RBFOX1: variants seen among roughly 807,000 people sequenced by gnomAD.
The protein encoded by RBFOX1 is RNA binding protein fox-1 homolog 1.
A neutral mutation model predicts 57.7 loss-of-function variants in RBFOX1; 8 were observed. The observed-to-expected ratio is 0.14, with a 90% CI of 0.08 to 0.25. The LOEUF is 0.25. RBFOX1 is among the 10% of genes least tolerant of loss of function. The pLI, the probability that RBFOX1 is intolerant of heterozygous loss-of-function variation, is 1.00. For missense variants in RBFOX1, 611 were observed against 548.5 expected (o/e 1.11, Z -1.14); for synonymous variants, 326 against 222.4 (o/e 1.47, Z -4.15).
intron 4 of RBFOX1, among the ~76,000 whole-genome samples, chr16:7,153,727 C>A (rs201272546): frequency 1.3e-3 from 166 of 128,686 alleles, no homozygotes; most frequent in Middle Eastern, 4.0e-3. Flanking sequence ...GACAGTGTCT[C>A]AAAAAAAAAA....
chr16:5,826,477 C>A (rs2056059934), intron 3 of RBFOX1, among the ~76,000 whole-genome samples: 1 of 152,144 alleles, frequency 6.6e-6, no homozygotes, highest in Non-Finnish European at 1.5e-5. Flanking sequence ...GTGTTGTGAC[C>A]TATATGGTCG....
At chr16:7,026,477 C>G (rs375431765) in intron 3 of RBFOX1, among the ~76,000 whole-genome samples, 10 of 152,166 alleles carry the variant, frequency 6.6e-5, no homozygotes, top group African/African-American at 2.2e-4. Flanking sequence ...ATTTTTTTCA[C>G]ACTTCCAATC....
At chr16:7,359,354 A>G (rs560915089) in intron 4 of RBFOX1, among the ~76,000 whole-genome samples, 43 of 152,100 alleles carry the variant, frequency 2.8e-4, no homozygotes, top group Non-Finnish European at 4.9e-4. Context: ...GTTATATGCC[A>G]TCTAATTGTG....
chr16:5,934,879 C>G (rs893509176), intron 4 of RBFOX1, among the ~76,000 whole-genome samples: 37 of 152,244 alleles, frequency 2.4e-4, no homozygotes, highest in African/African-American at 8.2e-4. Flanking sequence ...CAGCTGCACA[C>G]AGACTGGCTG....
chr16:7,127,918 T>C (rs2069041116), intron 4 of RBFOX1, among the ~76,000 whole-genome samples: 1 of 152,156 alleles, frequency 6.6e-6, no homozygotes, highest in South Asian at 2.1e-4. Flanking sequence ...TGGTCTTTTG[T>C]TTAGAAGAGG....
chr16:6,776,552 T>C lies in RBFOX1; in HGVS notation c.-16+121902T>C, dbSNP rs189990155. Among the ~76,000 whole-genome samples, 659 of 152,338 alleles carry C rather than the reference T, an allele frequency of 4.3e-3. 4 individuals carry two copies. The highest frequency in any genetic ancestry group is 0.015 in the African/African-American group (641 of 41,572). ...TAGAATTACAGAGCTTGATCAAGTC[T>C]CATCCATGGTTGACACTGTTTGTTG... is the stretch of plus-strand genomic sequence containing the variant. On this transcript the variant is annotated intron_variant, in intron 3 of 15. Transcript: ENST00000550418.
At position 6,088,859 on chromosome 16, in the gene RBFOX1, G is replaced by A. The variant is rs8055792; in HGVS notation, c.-127+68867G>A. Among the ~76,000 whole-genome samples the A allele has an allele frequency of 3.6e-3, 545 of 152,262 alleles. 3 individuals are homozygous for A. Among genetic ancestry groups the A allele is most frequent in the African/African-American group, 0.013 (535 of 41,544 alleles). ...TGCCTGTAATCCCAGCACTTTGGGAGACCAAGGCGGGCATATCAGGAGGTC... is the reference window on the plus strand; with the variant it reads ...TGCCTGTAATCCCAGCACTTTGGGAAACCAAGGCGGGCATATCAGGAGGTC... On this transcript the variant is annotated intron_variant, in intron 1 of 15. Transcript: ENST00000550418.
At chr16:7,503,073 G>T (rs565749029) in intron 4 of RBFOX1, among the ~76,000 whole-genome samples, 1 of 152,026 alleles carries the variant, frequency 6.6e-6, no homozygotes, top group African/African-American at 2.4e-5. Context: ...AGATTATGGC[G>T]TCCACTCCTT....
chr16:5,935,631 C>T (rs1343009643), intron 4 of RBFOX1, among the ~76,000 whole-genome samples: 1 of 152,170 alleles, frequency 6.6e-6, no homozygotes, highest in Non-Finnish European at 1.5e-5. Context: ...GGACTTGTTT[C>T]TAGTCTCTAG....
In RBFOX1 at chr16:5,884,007, C is replaced by G. The variant is rs145483834; in HGVS notation, c.351+16672C>G. 4.2e-3 allele frequency among the ~76,000 whole-genome samples: 637 copies of G among 152,298 alleles called. 4 individuals carry two copies. Among genetic ancestry groups the G allele is most frequent in the Non-Finnish European group, 6.8e-3 (461 of 68,016 alleles). Reference sequence around the variant, plus strand: ...GATCCCATTGACTTGGATGTGATTTCTGGTTCTCTTGTGACTTAGTGTACC... The same window carrying G: ...GATCCCATTGACTTGGATGTGATTTGTGGTTCTCTTGTGACTTAGTGTACC... On this transcript the variant is annotated intron_variant, in intron 4 of 19. Transcript: ENST00000641259.
chr16:7,117,075 A>T (rs142160247), intron 4 of RBFOX1, among the ~76,000 whole-genome samples: 54 of 152,306 alleles, frequency 3.5e-4, no homozygotes, highest in African/African-American at 1.3e-3. Flanking sequence ...TAAATACTCA[A>T]AAGCAGCTAA....
chr16:7,162,878 C>A (rs1468808969), intron 4 of RBFOX1, among the ~76,000 whole-genome samples: 2 of 152,136 alleles, frequency 1.3e-5, no homozygotes, highest in Non-Finnish European at 2.9e-5. Flanking sequence ...GTGGGGTATT[C>A]CCTGGTCCTC....
chr16:5,444,887 G>A (rs1243491921), intron 1 of RBFOX1, among the ~76,000 whole-genome samples: 1 of 152,190 alleles, frequency 6.6e-6, no homozygotes, highest in Non-Finnish European at 1.5e-5. Context: ...ACTCTATGCT[G>A]TTACTAGCCC....
At chr16:6,679,396 G>T (rs532674915) in intron 3 of RBFOX1, among the ~76,000 whole-genome samples, 1 of 152,058 alleles carries the variant, frequency 6.6e-6, no homozygotes, top group Non-Finnish European at 1.5e-5. Flanking sequence ...TGATGGAAAG[G>T]GGAGACTTCT....
chr16:6,653,179 C>G (rs144606828), intron 2 of RBFOX1, among the ~76,000 whole-genome samples: 84 of 152,214 alleles, frequency 5.5e-4, no homozygotes, highest in Admixed American at 4.2e-3. Context: ...TCAATTGCCA[C>G]TTTTTCAAAA....
At chr16:6,646,701 T>C (rs186723964) in intron 2 of RBFOX1, among the ~76,000 whole-genome samples, 1 of 152,156 alleles carries the variant, frequency 6.6e-6, no homozygotes, top group African/African-American at 2.4e-5. Context: ...ACCTCGTTTC[T>C]CAGTGGTATT....
At chr16:5,621,404 C>T (rs779140077) in intron 3 of RBFOX1, among the ~76,000 whole-genome samples, 4 of 152,118 alleles carry the variant, frequency 2.6e-5, no homozygotes, top group Non-Finnish European at 4.4e-5. Context: ...CAGTGTAGGC[C>T]GTCAAAAGTG....
At chr16:6,089,611 C>T (rs946775302) in intron 1 of RBFOX1, among the ~76,000 whole-genome samples, 25 of 152,024 alleles carry the variant, frequency 1.6e-4, no homozygotes, top group South Asian at 6.2e-4. Context: ...ATTGCTGGGG[C>T]GGGTCTTTTG....
chr16:5,477,719 T>G (rs1278888330), intron 2 of RBFOX1, among the ~76,000 whole-genome samples: 1 of 152,198 alleles, frequency 6.6e-6, no homozygotes, highest in African/African-American at 2.4e-5. Flanking sequence ...CTGATGGGCA[T>G]GTATGTCAGG....
Sources: gnomAD v4.1 joint callset for allele counts (sites outside exome capture counted in the v4.1 genomes callset) on GRCh38, gnomAD v4.1.1 for gene constraint, MANE v1.5 for transcripts, NCBI Gene and HGNC (gene_info 2026-07-23, HGNC 2026-07-21) for gene names.